Variants in NHSL1 observed in about 807,000 individuals in gnomAD.
The protein encoded by NHSL1 is NHS like 1.
NHSL1 carries 48 observed loss-of-function variants against 95.0 expected under a neutral mutation model. The observed-to-expected ratio is 0.51, with a 90% confidence interval of 0.40 to 0.64. The LOEUF is 0.64. Ranked by LOEUF, NHSL1 falls within the 30% of genes least tolerant of loss-of-function variation. The pLI, the probability that NHSL1 is intolerant of heterozygous loss-of-function variation, is 0.00. For missense variants in NHSL1, 1,971 were observed against 2,077.7 expected, an observed-to-expected ratio of 0.95 and a Z score of 1.00; for synonymous variants, 783 against 833.9, an observed-to-expected ratio of 0.94 and a Z score of 1.05.
Position 138,431,340 on chromosome 6 carries a change from G to C in NHSL1, c.3005C>G (p.Pro1002Arg). The C allele has an allele frequency of 3.3e-6, 5 of 1,527,414 alleles. No homozygotes were observed. The highest frequency in any genetic ancestry group is 3.5e-6 in the Non-Finnish European group (4 of 1,135,048). The allele number at this position is 1,527,414 out of a possible 1,614,324, so 94.6% of individuals were successfully genotyped here. ...PPRPALSPIL[P>R]DSPVSLPLPP... is the part of the protein sequence containing the mutation. ...CAATGGCAAGGACACAGGTGAATCT[G>C]GAAGAATGGGGCTCAGTGCAGGGCG... The change falls in exon 6 of 8, where the codon CCA becomes CGA. Residue 1002 changes from proline (P) to arginine (R), a missense_variant. Transcript: ENST00000343505. The surrounding 1 kb of genome is among the most constrained non-coding windows in gnomAD (Gnocchi z 4.0).
intron 2 of NHSL1, among the ~76,000 whole-genome samples, chr6:138,489,761 C>CAA (rs771589265): frequency 0.018 from 920 of 49,816 alleles, 57 homozygotes; most frequent in East Asian, 0.076. Flanking sequence ...GACCCTGTCT[C>CAA]AAAAAAAAAA....
chr6:138,606,694 C>A (rs191545247), intron 1 of NHSL1, among the ~76,000 whole-genome samples: 1 of 131,456 alleles, frequency 7.6e-6, no homozygotes, highest in Non-Finnish European at 1.6e-5. Flanking sequence ...CTTTTTCTTT[C>A]TTTCTTTCTT....
At chr6:138,554,919 T>A (rs1783139169) in intron 1 of NHSL1, among the ~76,000 whole-genome samples, 1 of 152,168 alleles carries the variant, frequency 6.6e-6, no homozygotes, top group South Asian at 2.1e-4. Flanking sequence ...TCAGGAATAG[T>A]GAGTTACTTC....
At chr6:138,586,717 T>A (rs1352922246) in intron 1 of NHSL1, among the ~76,000 whole-genome samples, 1 of 152,110 alleles carries the variant, frequency 6.6e-6, no homozygotes, top group East Asian at 1.9e-4. Flanking sequence ...GGGGAGAGTG[T>A]GAAAGAGGGG....
intron 1 of NHSL1, among the ~76,000 whole-genome samples, chr6:138,520,209 A>G (rs1476938421): frequency 6.6e-6 from 1 of 151,768 alleles, no homozygotes; most frequent in Non-Finnish European, 1.5e-5. Flanking sequence ...TCAATAACTA[A>G]CCAATAAAAT....
chr6:138,431,485 G>C lies in NHSL1; in HGVS notation c.2860C>G (p.Pro954Ala), dbSNP rs1235660226. 1 of 1,551,326 alleles carries C rather than the reference G, an allele frequency of 6.4e-7. No homozygotes were observed. Among genetic ancestry groups the C allele is most frequent in the South Asian group, 1.2e-5 (1 of 84,006 alleles). The change falls in exon 6 of 8, where the codon CCT becomes GCT. Residue 954 changes from proline (P) to alanine (A), a missense_variant. Physicochemically the swap from Pro to Ala is conservative, Grantham distance 27. Transcript: ENST00000343505. This position sits in a 1 kb window ranked among gnomAD's most constrained non-coding sequence, Gnocchi z 4.0. ...ADRSPFLPPP[P>A]PVTDCSQGSP... is the part of the protein sequence containing the mutation. The stretch of plus-strand genomic sequence containing the variant: ...CCCTGGGAGCAATCTGTGACAGGAG[G>C]TGGGGGAGGAAGGAAAGGAGACCTG...
chr6:138,558,310 G>C (rs1657038451), intron 1 of NHSL1, among the ~76,000 whole-genome samples: 1 of 151,408 alleles, frequency 6.6e-6, no homozygotes, highest in South Asian at 2.1e-4. Context: ...TTTTAGTAGA[G>C]ATGTGGTTTC....
At chr6:138,666,208 C>T (rs1304075852) in intron 1 of NHSL1, among the ~76,000 whole-genome samples, 1 of 152,178 alleles carries the variant, frequency 6.6e-6, no homozygotes, top group African/African-American at 2.4e-5. Flanking sequence ...GAGGCTGAGG[C>T]AGGAGAATCA....
Position 138,536,383 on chromosome 6 carries a change from C to T in NHSL1, c.16+9240G>A, listed in dbSNP as rs142632128. ...ATTGACTTTCTGTGGCAAGCAGAAA[C>T]GACACTGGATGTTTTAGCATTAAAA... On this transcript the variant is annotated intron_variant, in intron 1 of 4. Coordinates refer to the NHSL1 transcript ENST00000342260. 2.1e-3 allele frequency among the ~76,000 whole-genome samples: 327 copies of T among 152,210 alleles called. 2 individuals carry two copies. Among genetic ancestry groups the T allele is most frequent in the African/African-American group, 7.2e-3 (301 of 41,532 alleles).
chr6:138,426,523 T>C (rs4895524), intron 7 of NHSL1, among the ~76,000 whole-genome samples: 1 of 152,246 alleles, frequency 6.6e-6, no homozygotes, highest in Non-Finnish European at 1.5e-5. Context: ...TTGTCAGTAC[T>C]CATGAATGCA....
At chr6:138,681,246 A>T (rs903529266) in intron 1 of NHSL1, among the ~76,000 whole-genome samples, 4 of 152,244 alleles carry the variant, frequency 2.6e-5, no homozygotes, top group African/African-American at 9.6e-5. Context: ...TCATATTTGT[A>T]TACAGAAACC....
chr6:138,669,336 G>A (rs1785334821), intron 1 of NHSL1, among the ~76,000 whole-genome samples: 2 of 152,054 alleles, frequency 1.3e-5, no homozygotes, highest in Admixed American at 1.3e-4. Flanking sequence ...GAGAATAAAG[G>A]TTGAGCCATA....
intron 2 of NHSL1, among the ~76,000 whole-genome samples, chr6:138,490,783 G>A (rs918985319): frequency 3.9e-5 from 6 of 152,064 alleles, no homozygotes; most frequent in South Asian, 4.2e-4. Context: ...ACAGGCATGC[G>A]CCACCACACC....
At chr6:138,442,165 G>T in intron 4 of NHSL1, 51 bp from the exon 5 acceptor site, 1 of 1,471,508 alleles carries the variant, frequency 6.8e-7, no homozygotes, top group South Asian at 1.4e-5. Flanking sequence ...CAAGCAAGCT[G>T]ACACCATGCA....
Position 138,430,430 on chromosome 6 carries a change from G to T in NHSL1, c.3915C>A (p.Gly1305=). The change falls in exon 6 of 8, where the codon GGC becomes GGA. Residue 1305 remains glycine (G), a synonymous_variant. Coordinates refer to ENST00000343505, the MANE Select transcript of NHSL1 (RefSeq NM_001144060.2). This position sits in a 1 kb window ranked among gnomAD's most constrained non-coding sequence, Gnocchi z 4.7. ...GTTGAGATAGGCAGCTCTCCCCATC[G>T]CCCCCAGTATCCGCACTGTTCTCGG... ...EPAENSADTG[G]DGESCLSQQD... The T allele has an allele frequency of 6.7e-7, 1 of 1,503,560 alleles. No homozygotes were observed. Among genetic ancestry groups the T allele is most frequent in the South Asian group, 1.3e-5 (1 of 76,752 alleles). The allele number at this position is 1,503,560 out of a possible 1,614,324, so 93.1% of individuals were successfully genotyped here. A position where few individuals can be genotyped will look rare whatever the true frequency, so the allele number is the denominator to read the frequency against.
chr6:138,660,824 T>C lies in NHSL1; in HGVS notation c.96+31652A>G, dbSNP rs1785217508. ...AAAAAAAAAAATTGGCTGGGCACGA[T>C]GGCTCATGCCTGTAATCCCAGCACT... On this transcript the variant is annotated intron_variant, in intron 1 of 3. Transcript: ENST00000491526. Among the ~76,000 whole-genome samples the C allele has an allele frequency of 2.7e-5, 4 of 150,378 alleles. No homozygotes were observed. The South Asian group carries it at 8.4e-4, about 32-fold the overall frequency.
chr6:138,425,787 C>G (rs1191959884), intron 7 of NHSL1, among the ~76,000 whole-genome samples: 1 of 152,140 alleles, frequency 6.6e-6, no homozygotes, highest in Non-Finnish European at 1.5e-5. Flanking sequence ...TGCCGTCAGA[C>G]CAGTCTTCCT....
chr6:138,499,154 CACACA>C, intron 1 of NHSL1, 74 bp downstream of exon 1: 1 of 570,308 alleles, frequency 1.8e-6, no homozygotes. Flanking sequence ...CACACACACA[CACACA>C]GACACACAGG....
Position 138,423,827 on chromosome 6 carries a change from A to C in NHSL1, c.*254T>G, listed in dbSNP as rs1168531515. On this transcript the variant is annotated 3_prime_UTR_variant, in exon 8 of 8. Transcript: ENST00000343505. ...ACCCAGCATTTAGCAAAAAAAAAAA[A>C]AAAAAAAAAAAATCTTCCCCGGGAA... 3.1e-6 allele frequency: 1 copy of C among 324,268 alleles called. No homozygotes were observed. The highest frequency in any genetic ancestry group is 2.1e-5 in the African/African-American group (1 of 46,608). The allele number at this position is 324,268 out of a possible 1,614,324, so 20.1% of individuals were successfully genotyped here. A position where few individuals can be genotyped will look rare whatever the true frequency, so the allele number is the denominator to read the frequency against.
Sources: gnomAD v4.1 joint callset for allele counts (sites outside exome capture counted in the v4.1 genomes callset) on GRCh38, gnomAD v4.1.1 for gene constraint, Gnocchi (gnomAD v3.1) non-coding constraint, MANE v1.5 for transcripts, NCBI Gene and HGNC (gene_info 2026-07-23, HGNC 2026-07-21) for gene names.